Variants in VPS50 observed in about 807,000 individuals in gnomAD.
The protein encoded by VPS50 is VPS50 subunit of EARP/GARPII complex, also known as syndetin.
Under a neutral mutation model 139.7 loss-of-function variants are expected in VPS50, and 70 were observed. The observed-to-expected ratio is 0.50, with a 90% CI of 0.41 to 0.61. The LOEUF is 0.61. Ranked by LOEUF, VPS50 falls within the 20% of genes least tolerant of loss-of-function variation. The pLI is 0.00. For synonymous variants in VPS50, 365 were observed against 376.7 expected (o/e 0.97, Z 0.36); for missense variants, 921 against 1,133.7 (o/e 0.81, Z 2.69).
chr7:93,293,307 T>A (rs992889558), intron 13 of VPS50, among the ~76,000 whole-genome samples: 3 of 152,186 alleles, frequency 2.0e-5, no homozygotes, highest in Non-Finnish European at 4.4e-5. Context: ...GGAATAGAAT[T>A]AACACATATT....
At position 93,311,170 on chromosome 7, in the gene VPS50, T is replaced by C. The variant is rs1333598615; in HGVS notation, c.1753T>C (p.Ser585Pro). 1.7e-6 allele frequency: 2 copies of C among 1,207,784 alleles called. No individual in the cohort carries two copies. Among genetic ancestry groups the C allele is most frequent in the East Asian group, 2.3e-5 (1 of 42,968 alleles). 74.8% of individuals were successfully genotyped at this position (1,207,784 alleles called of 1,614,324 possible). The stretch of plus-strand genomic sequence containing the variant: ...GTTTTGTTTTTCCATATCAAGTGTT[T>C]CTCGGGAAACTCTAAAAAGCAGGAA... ...QTGDGPVKSV[S>P]RETLKSRKKS... Residue 585 changes from serine (S) to proline (P), a missense_variant, in exon 20 of 28, where the codon TCT becomes CCT. This residue lies in a region of VPS50 where 744 missense variants were observed against 930.6 expected (regional missense o/e 0.80). Coordinates refer to ENST00000305866, the MANE Select transcript of VPS50 (RefSeq NM_017667.4).
At chr7:93,283,562 A>G (rs986417739) in intron 12 of VPS50, among the ~76,000 whole-genome samples, 3 of 152,220 alleles carry the variant, frequency 2.0e-5, no homozygotes, top group Admixed American at 2.0e-4. Context: ...CTCAGTCGTC[A>G]GTTTTCTTAC....
chr7:93,311,993 C>T (rs1218934458), intron 20 of VPS50, among the ~76,000 whole-genome samples: 2 of 152,062 alleles, frequency 1.3e-5, no homozygotes, highest in East Asian at 3.9e-4. Flanking sequence ...TCTCTATATT[C>T]TATCTATGGA....
At chr7:93,329,139 G>A (rs188665260) in intron 21 of VPS50, among the ~76,000 whole-genome samples, 311 of 152,186 alleles carry the variant, frequency 2.0e-3, no homozygotes, top group African/African-American at 7.1e-3. Context: ...CTAAGATATT[G>A]GAACCAAGGA....
intron 20 of VPS50, among the ~76,000 whole-genome samples, chr7:93,315,412 A>G (rs1242399869): frequency 1.3e-5 from 2 of 152,186 alleles, no homozygotes; most frequent in East Asian, 1.9e-4. Context: ...ACAAATTCCT[A>G]TAAATACTTC....
chr7:93,233,164 A>G (rs1005567222), intron 1 of VPS50, among the ~76,000 whole-genome samples: 32 of 152,106 alleles, frequency 2.1e-4, no homozygotes, highest in African/African-American at 7.5e-4. Flanking sequence ...AGCTTTGGCT[A>G]TTTTGTAACC....
At chr7:93,282,761 T>C (rs755815516) in intron 12 of VPS50, among the ~76,000 whole-genome samples, 3 of 152,220 alleles carry the variant, frequency 2.0e-5, no homozygotes, top group Non-Finnish European at 4.4e-5. Context: ...CCTTTCTTGC[T>C]GAATGCTACA....
At chr7:93,311,050 G>T (rs1797252284) in intron 19 of VPS50, 116 bp from the exon 20 acceptor site, 1 of 675,632 alleles carries the variant, frequency 1.5e-6, no homozygotes, top group African/African-American at 1.9e-5. Flanking sequence ...TTTACCTAAT[G>T]CATAGTAAGA....
intron 12 of VPS50, among the ~76,000 whole-genome samples, chr7:93,277,487 G>C (rs563463911): frequency 6.6e-6 from 1 of 152,140 alleles, no homozygotes; most frequent in Non-Finnish European, 1.5e-5. Context: ...GTAAAAATAA[G>C]TAATCTTCAT....
chr7:93,353,514 T>C (rs1305942640), intron 25 of VPS50, 126 bp from the exon 26 acceptor site: 3 of 1,036,100 alleles, frequency 2.9e-6, no homozygotes, highest in East Asian at 4.8e-5. Context: ...TTTGGCATTA[T>C]CTTTTTTGAT....
At chr7:93,342,917 G>A (rs1291603414) in intron 23 of VPS50, among the ~76,000 whole-genome samples, 1 of 152,140 alleles carries the variant, frequency 6.6e-6, no homozygotes, top group East Asian at 1.9e-4. Flanking sequence ...ACTCTAAAAA[G>A]CACAGCACCT....
In VPS50 at chr7:93,280,635, C is replaced by A. The variant is rs990762946; in HGVS notation, c.942+4330C>A. 2.6e-5 allele frequency among the ~76,000 whole-genome samples: 4 copies of A among 152,040 alleles called. No homozygotes were observed. In the East Asian group the frequency reaches 7.7e-4, roughly 29 times the overall value. On this transcript the variant is annotated intron_variant, in intron 12 of 27. Coordinates refer to ENST00000305866, the MANE Select transcript of VPS50 (RefSeq NM_017667.4). The stretch of plus-strand genomic sequence containing the variant: ...TTTATTTGAAAGTTTATGAAGTATT[C>A]ATAAGGATTTTTTTTTCCTTTTTAA...
chr7:93,278,995 G>GA (rs1356532668), intron 12 of VPS50, among the ~76,000 whole-genome samples: 2 of 152,104 alleles, frequency 1.3e-5, no homozygotes, highest in Admixed American at 1.3e-4. Flanking sequence ...GAATTGGTGA[G>GA]AATAATAGCA....
At chr7:93,286,762 A>G (rs1323205155) in intron 12 of VPS50, among the ~76,000 whole-genome samples, 1 of 151,986 alleles carries the variant, frequency 6.6e-6, no homozygotes, top group East Asian at 1.9e-4. Context: ...AAAATTCTCG[A>G]TTTGAAATTT....
At chr7:93,297,266 A>T (rs759882145) in intron 16 of VPS50, 23 bp downstream of exon 16, 2 of 1,511,502 alleles carry the variant, frequency 1.3e-6, no homozygotes, top group Admixed American at 5.4e-5. Context: ...ATAAGATATG[A>T]ATCGACTTAT....
At chr7:93,302,376 G>T (rs1797003516) in intron 16 of VPS50, among the ~76,000 whole-genome samples, 1 of 148,396 alleles carries the variant, frequency 6.7e-6, no homozygotes, top group African/African-American at 2.5e-5. Flanking sequence ...TTTTGCTTCA[G>T]TTTAGATATT....
chr7:93,332,175 T>C (rs1797958666), intron 21 of VPS50, among the ~76,000 whole-genome samples: 2 of 152,192 alleles, frequency 1.3e-5, no homozygotes, highest in Non-Finnish European at 2.9e-5. Context: ...TTCTGGAGGC[T>C]AGAAAGTCCA....
chr7:93,284,020 A>C (rs117622034), intron 12 of VPS50, among the ~76,000 whole-genome samples: 2,210 of 152,252 alleles, frequency 0.015, 25 homozygotes, highest in Non-Finnish European at 0.019. Flanking sequence ...CAGGTCTGGC[A>C]AGGCCTCTAT....
Position 93,358,416 on chromosome 7 carries a change from A to G in VPS50, c.2875A>G (p.Ile959Val), listed in dbSNP as rs796506232. The G allele has an allele frequency of 1.2e-6, 2 of 1,611,576 alleles. No individual in the cohort carries two copies. The highest frequency in any genetic ancestry group is 1.7e-4 in the Middle Eastern group (1 of 6,050). ...AAAACTTCTAGCAGCTATAGATGAT[A>G]TAGACAGACCTAAAAGATAATGAAC... ...RQKLLAAIDD[I>V]DRPKR The change falls in exon 28 of 28, where the codon ATA becomes GTA. Residue 959 changes from isoleucine to valine, a missense_variant. This residue lies in a region of VPS50 where 158 missense variants were observed against 156.3 expected (regional missense o/e 1.01). Coordinates refer to ENST00000305866, the MANE Select transcript of VPS50 (RefSeq NM_017667.4).
Sources: gnomAD v4.1 joint callset for allele counts (sites outside exome capture counted in the v4.1 genomes callset) on GRCh38, gnomAD v4.1.1 for gene constraint, gnomAD v4.1.1 regional missense constraint, MANE v1.5 for transcripts, NCBI Gene and HGNC (gene_info 2026-07-23, HGNC 2026-07-21) for gene names.